The following COLQ variants were observed in gnomAD, a reference collection of about 807,000 sequenced individuals.
COLQ encodes the protein acetylcholinesterase collagenic tail peptide.
COLQ carries 48 observed loss-of-function variants against 69.0 expected under a neutral mutation model. The ratio of observed to expected loss-of-function variants is 0.70; its 90% CI spans 0.55 to 0.88. COLQ has a LOEUF of 0.88. Among genes scored for constraint, COLQ ranks in the 40% least tolerant of loss-of-function variants. The pLI is 0.00. For missense variants in COLQ, 618 were observed against 594.6 expected (o/e 1.04, Z -0.41); for synonymous variants, 217 against 211.2 (o/e 1.03, Z -0.24).
intron 1 of COLQ, among the ~76,000 whole-genome samples, chr3:15,510,130 C>T (rs974438225): frequency 4.0e-5 from 6 of 151,730 alleles, no homozygotes; most frequent in South Asian, 2.1e-4. Context: ...GAGCCGAGAT[C>T]GCGCCACTGC....
intron 3 of COLQ, among the ~76,000 whole-genome samples, chr3:15,487,097 G>C (rs2062587405): frequency 6.6e-6 from 1 of 152,200 alleles, no homozygotes; most frequent in African/African-American, 2.4e-5. Flanking sequence ...ACTGTAACAG[G>C]ATGAAAAAAT....
intron 1 of COLQ, among the ~76,000 whole-genome samples, chr3:15,512,044 G>C (rs2062994014): frequency 6.6e-6 from 1 of 152,106 alleles, no homozygotes; most frequent in Non-Finnish European, 1.5e-5. Flanking sequence ...GAAGCCCCAT[G>C]CCAGGCCCGA....
intron 1 of COLQ, among the ~76,000 whole-genome samples, chr3:15,515,677 G>A (rs1432608835): frequency 6.6e-6 from 1 of 152,054 alleles, no homozygotes; most frequent in Non-Finnish European, 1.5e-5. Context: ...GTGGTGGTGG[G>A]AGCCTGTAAT....
At chr3:15,487,252 C>G (rs921119875) in intron 3 of COLQ, among the ~76,000 whole-genome samples, 5 of 152,120 alleles carry the variant, frequency 3.3e-5, no homozygotes, top group African/African-American at 1.2e-4. Context: ...GAGTGGCCAA[C>G]AGGAGCTGGC....
chr3:15,510,664 T>C (rs983511885), intron 1 of COLQ, among the ~76,000 whole-genome samples: 1 of 150,408 alleles, frequency 6.6e-6, no homozygotes, highest in Non-Finnish European at 1.5e-5. Flanking sequence ...TGAGCCGTGA[T>C]TGCCACAGCA....
chr3:15,477,004 C>G, intron 6 of COLQ, 122 bp downstream of exon 6: 1 of 1,024,046 alleles, frequency 9.8e-7, no homozygotes, highest in Non-Finnish European at 1.5e-6. Flanking sequence ...TCCTTAAGCT[C>G]TCTTCTTCTT....
chr3:15,489,308 C>A (rs954251886), intron 2 of COLQ, among the ~76,000 whole-genome samples: 2 of 152,184 alleles, frequency 1.3e-5, no homozygotes, highest in African/African-American at 2.4e-5. Context: ...AAGAATCTCC[C>A]TCCATCATTT....
chr3:15,481,861 C>G (rs2062489866), intron 3 of COLQ, among the ~76,000 whole-genome samples: 1 of 152,154 alleles, frequency 6.6e-6, no homozygotes, highest in African/African-American at 2.4e-5. Context: ...GAATGTTCTT[C>G]CATTTGTTTC....
chr3:15,499,613 CTAT>C (rs2062804361), intron 1 of COLQ, among the ~76,000 whole-genome samples: 1 of 152,198 alleles, frequency 6.6e-6, no homozygotes, highest in African/African-American at 2.4e-5. Context: ...AAGCCCTGCA[CTAT>C]AACCTTCAAA....
Position 15,475,486 on chromosome 3 carries a change from C to T in COLQ, c.467G>A (p.Gly156Asp). Residue 156 changes from glycine (G) to aspartate (D), a missense_variant and splice_region_variant, in exon 7 of 17, where the codon GGT (glycine) becomes GAT (aspartate). Transcript: ENST00000383788. ...CATCATACCCAGGTCACCTTTTTCA[C>T]CCTGTGGGAATTAGAAGAAGAAAAG... ...IGWPGPEGPR[G>D]EKGDLGMMGL... 1 of 1,594,788 alleles carries T rather than the reference C, an allele frequency of 6.3e-7. No individual in the cohort carries two copies. Among genetic ancestry groups the T allele is most frequent in the Non-Finnish European group, 8.6e-7 (1 of 1,169,196 alleles).
At chr3:15,479,660 T>C (rs1490579180) in intron 3 of COLQ, among the ~76,000 whole-genome samples, 4 of 152,238 alleles carry the variant, frequency 2.6e-5, no homozygotes, top group Non-Finnish European at 5.9e-5. Flanking sequence ...TAACTCTTTG[T>C]TTGCATAAAA....
chr3:15,480,036 G>C (rs1340187624), intron 3 of COLQ, among the ~76,000 whole-genome samples: 2 of 152,184 alleles, frequency 1.3e-5, no homozygotes, highest in Non-Finnish European at 2.9e-5. Context: ...TCCACAGCCA[G>C]AATGTGCCTG....
intron 16 of COLQ, among the ~76,000 whole-genome samples, chr3:15,452,183 C>T (rs2061954372): frequency 6.6e-6 from 1 of 151,796 alleles, no homozygotes; most frequent in Non-Finnish European, 1.5e-5. Flanking sequence ...TGTCCTGCCT[C>T]AGCTTCCTGA....
chr3:15,495,930 A>G (rs557392355), intron 1 of COLQ, among the ~76,000 whole-genome samples: 4 of 152,182 alleles, frequency 2.6e-5, no homozygotes, highest in African/African-American at 7.2e-5. Context: ...TTGCCTCAGC[A>G]CACAGCTAAG....
At chr3:15,453,981 G>T in intron 15 of COLQ, 50 bp from the exon 16 acceptor site, 2 of 1,293,922 alleles carry the variant, frequency 1.5e-6, no homozygotes, top group Non-Finnish European at 2.2e-6. Flanking sequence ...GAGGCGATAG[G>T]CTTGCCTCAG....
chr3:15,461,802 G>A (rs907997806), intron 12 of COLQ, among the ~76,000 whole-genome samples: 5 of 152,052 alleles, frequency 3.3e-5, no homozygotes, highest in African/African-American at 4.8e-5. Flanking sequence ...GCTATCTCAC[G>A]ATGGCGCTGG....
chr3:15,515,058 T>C (rs1339625480), intron 1 of COLQ, among the ~76,000 whole-genome samples: 1 of 152,304 alleles, frequency 6.6e-6, no homozygotes, highest in East Asian at 1.9e-4. Context: ...GATTTGGTCT[T>C]TGGGCAGCTG....
rs2062263614 is a variant in COLQ, at chr3:15,470,531, C to A, written c.717+5G>T. The A allele has an allele frequency of 6.2e-7, 1 of 1,613,416 alleles. No individual in the cohort carries two copies. Among genetic ancestry groups the A allele is most frequent in the South Asian group, 1.1e-5 (1 of 91,040 alleles). ...CAGGCGGGTGGTAAGCCCTGGGATC[C>A]TTACCTGCTTGCCTCGTTTTCCTGG... On this transcript the variant is annotated splice_donor_5th_base_variant and intron_variant, in intron 11 of 16. Coordinates refer to ENST00000383788, the MANE Select transcript of COLQ (RefSeq NM_005677.4).
chr3:15,459,985 A>G (rs114924275), intron 12 of COLQ, among the ~76,000 whole-genome samples: 3,110 of 152,130 alleles, frequency 0.02, 47 homozygotes, highest in Non-Finnish European at 0.032. Flanking sequence ...ATCCCTCCCC[A>G]GCTGCCTCTC....
Sources: gnomAD v4.1 joint callset for allele counts (sites outside exome capture counted in the v4.1 genomes callset) on GRCh38, gnomAD v4.1.1 for gene constraint, MANE v1.5 for transcripts, NCBI Gene and HGNC (gene_info 2026-07-23, HGNC 2026-07-21) for gene names.